The following NXPE1 variants were observed in gnomAD, a reference collection of about 807,000 sequenced individuals.
NXPE1 encodes NXPE family member 1.
NXPE1 carries 31 observed loss-of-function variants against 33.3 expected under a neutral mutation model. That is an observed-to-expected ratio of 0.93 (90% CI 0.70 to 1.26). The LOEUF is 1.26. Ranked by LOEUF, NXPE1 falls within the 50% of genes most tolerant of loss-of-function variation. The pLI is 0.00. For missense variants in NXPE1, 661 were observed against 655.6 expected, an observed-to-expected ratio of 1.01 and a Z score of -0.09; for synonymous variants, 229 against 231.4, an observed-to-expected ratio of 0.99 and a Z score of 0.09.
At position 114,554,387 on chromosome 11, in the gene NXPE1, G is replaced by A. The variant is rs145714112; in HGVS notation, c.-210-1507C>T. ...CAGCAGCCTAGCTTAGACCACAGAG[G>A]TGATGACAATATTCCAGAACAGGGG... On this transcript the variant is annotated intron_variant, in intron 1 of 8. Transcript: ENST00000534921. 1.8e-4 allele frequency: 173 copies of A among 985,132 alleles called. No homozygotes were observed. In the African/African-American group the frequency reaches 2.8e-3, roughly 16 times the overall value. 61.0% of individuals were successfully genotyped at this position (985,132 alleles called of 1,614,324 possible). A position where few individuals can be genotyped will look rare whatever the true frequency, so the allele number is the denominator to read the frequency against.
At chr11:114,519,554 A>T (rs1311678726), downstream of NXPE1, among the ~76,000 whole-genome samples, 1 of 152,182 alleles carries the variant, frequency 6.6e-6, no homozygotes, top group African/African-American at 2.4e-5. Flanking sequence ...TGGAAACATT[A>T]TTCTTTCCCG....
rs1411461981 is a variant in NXPE1 at position 114,553,997 on chromosome 11, A to G, written c.-210-1117T>C. ...AGGAATCTCAAAGTCAACTTGTCCA[A>G]TTGCAATGTTTTTTCTTCTTCCAAA... On this transcript the variant is annotated intron_variant, in intron 1 of 8. Transcript: ENST00000534921. The G allele has an allele frequency of 1.8e-5, 18 of 985,396 alleles. No individual in the cohort carries two copies. In the East Asian group the frequency reaches 1.4e-3, roughly 75 times the overall value. The allele number at this position is 985,396 out of a possible 1,614,324, so 61.0% of individuals were successfully genotyped here.
At position 114,548,395 on chromosome 11, in the gene NXPE1, A is replaced by C. The variant is rs554945275; in HGVS notation, c.99+2708T>G. ...CTTTAGAGGAACATATGAAACCTTT[A>C]CAAATATTCTCTATATCTTAGGTCA... On this transcript the variant is annotated intron_variant, in intron 5 of 8. Coordinates refer to ENST00000534921, the Ensembl canonical transcript of NXPE1. Among the ~76,000 whole-genome samples the C allele has an allele frequency of 1.5e-3, 235 of 152,252 alleles. 3 individuals carry two copies. Among genetic ancestry groups the C allele is most frequent in the African/African-American group, 5.4e-3 (226 of 41,582 alleles).
chr11:114,524,298 G>A (rs180941678), intron 7 of NXPE1, among the ~76,000 whole-genome samples: 224 of 152,336 alleles, frequency 1.5e-3, no homozygotes, highest in Non-Finnish European at 2.1e-3. Flanking sequence ...TAAAGAAGGA[G>A]AAGGCAGTGA....
rs546096289 is a variant in NXPE1 at position 114,536,427 on chromosome 11, A to G, written c.100-5519T>C. On this transcript the variant is annotated intron_variant, in intron 5 of 8. Coordinates refer to ENST00000534921, the Ensembl canonical transcript of NXPE1. Reference sequence around the variant, plus strand: ...AGCTAGCAGAAGGCAAGAAATAACTAAGATCAGAGCAGGACTGAAGGAAAT... The same window carrying G: ...AGCTAGCAGAAGGCAAGAAATAACTGAGATCAGAGCAGGACTGAAGGAAAT... 2.6e-5 allele frequency among the ~76,000 whole-genome samples: 4 copies of G among 152,372 alleles called. No individual in the cohort carries two copies. In the South Asian group the frequency reaches 6.2e-4, roughly 24 times the overall value.
intron 7 of NXPE1, among the ~76,000 whole-genome samples, chr11:114,524,734 G>A (rs890034234): frequency 6.6e-6 from 1 of 152,130 alleles, no homozygotes; most frequent in African/African-American, 2.4e-5. Flanking sequence ...TAAACCCTAT[G>A]TTGTGTAATC....
In NXPE1 at chr11:114,527,914, A is replaced by G. The variant is rs749139516; in HGVS notation, c.834-13T>C. Reference sequence around the variant, plus strand: ...TCCCACTTTGGACCTTCAAAAAAAAAATAGAACAATAAATTAGCCTGCTCT... The same window carrying G: ...TCCCACTTTGGACCTTCAAAAAAAAGATAGAACAATAAATTAGCCTGCTCT... On this transcript the variant is annotated splice_polypyrimidine_tract_variant and intron_variant, in intron 6 of 8. Coordinates refer to ENST00000534921, the Ensembl canonical transcript of NXPE1. 22 of 1,597,324 alleles carry G rather than the reference A, an allele frequency of 1.4e-5. No individual in the cohort carries two copies. The highest frequency in any genetic ancestry group is 3.3e-4 in the Middle Eastern group (2 of 6,032).
At chr11:114,551,592 A>G (rs1360535256) in intron 3 of NXPE1, among the ~76,000 whole-genome samples, 151 bp from the exon 4 acceptor site, 1 of 152,236 alleles carries the variant, frequency 6.6e-6, no homozygotes, top group African/African-American at 2.4e-5. Context: ...ATGGAACCAC[A>G]GGAATATGCT....
intron 5 of NXPE1, among the ~76,000 whole-genome samples, chr11:114,531,529 G>A (rs1443406047): frequency 6.6e-6 from 1 of 152,132 alleles, no homozygotes; most frequent in African/African-American, 2.4e-5. Context: ...AACTCTATTT[G>A]TGTCATCTCC....
chr11:114,531,152 A>C (rs1012306137), intron 5 of NXPE1, among the ~76,000 whole-genome samples: 56 of 151,894 alleles, frequency 3.7e-4, no homozygotes, highest in Non-Finnish European at 7.1e-4. Context: ...AAATTGTGAT[A>C]ATTTTGTATA....
At position 114,533,643 on chromosome 11, in the gene NXPE1, G is replaced by A. The variant is rs540676834; in HGVS notation, c.100-2735C>T. Among the ~76,000 whole-genome samples, 830 of 152,304 alleles carry A rather than the reference G, an allele frequency of 5.4e-3. 6 individuals are homozygous for A. Among genetic ancestry groups the A allele is most frequent in the African/African-American group, 0.019 (794 of 41,564 alleles). Reference sequence around the variant, plus strand: ...ACAGCACACCAGGAGATTATATCCCGCACCTGGCTCAGAGGGTCCTACGCC... The same window carrying A: ...ACAGCACACCAGGAGATTATATCCCACACCTGGCTCAGAGGGTCCTACGCC... On this transcript the variant is annotated intron_variant, in intron 5 of 8. Coordinates refer to ENST00000534921, the Ensembl canonical transcript of NXPE1.
chr11:114,521,202 T>A (rs1947203755), downstream of NXPE1, among the ~76,000 whole-genome samples: 1 of 152,226 alleles, frequency 6.6e-6, no homozygotes. Flanking sequence ...TATTTCCCTT[T>A]TGTTGCCAAT....
chr11:114,553,730 C>G, intron 1 of NXPE1: 1 of 985,398 alleles, frequency 1.0e-6, no homozygotes. Context: ...ATCCCAGTGT[C>G]TTTAAGATGC....
intron 5 of NXPE1, among the ~76,000 whole-genome samples, 152 bp downstream of exon 5, chr11:114,550,951 T>C (rs1447522649): frequency 3.3e-5 from 5 of 152,030 alleles, no homozygotes; most frequent in Non-Finnish European, 7.4e-5. Flanking sequence ...GTGTCCACAA[T>C]GCCTCTAAGG....
intron 6 of NXPE1, 159 bp downstream of exon 6, chr11:114,530,016 G>T: frequency 1.5e-6 from 1 of 665,972 alleles, no homozygotes; most frequent in Non-Finnish European, 2.5e-6. Flanking sequence ...TGCAAACTTT[G>T]GCCTAGAGTG....
At chr11:114,528,898 G>A in intron 6 of NXPE1, 1 of 582,804 alleles carries the variant, frequency 1.7e-6, no homozygotes, top group Non-Finnish European at 3.2e-6. Context: ...ATGGTTGATG[G>A]GTAGGAAGAG....
chr11:114,557,634 CATATATATATATATATATATAT>C (rs4019608), intron 1 of NXPE1, among the ~76,000 whole-genome samples: 40 of 128,454 alleles, frequency 3.1e-4, no homozygotes, highest in African/African-American at 6.9e-4. Flanking sequence ...ATATATAATA[CATATATATATATATATATATAT>C]ATATATATAT....
chr11:114,520,296 A>G (rs758027225), downstream of NXPE1, among the ~76,000 whole-genome samples: 1 of 151,966 alleles, frequency 6.6e-6, no homozygotes, highest in Non-Finnish European at 1.5e-5. Flanking sequence ...CTACCATTCT[A>G]CCCTGTTTCT....
chr11:114,530,219 T>G (rs765523779), exon 6 of NXPE1: 1 of 1,613,386 alleles, frequency 6.2e-7, no homozygotes, highest in Non-Finnish European at 8.5e-7. Context: ...AAGATACCTC[T>G]CTATTCCGGG....
Sources: gnomAD v4.1 joint callset for allele counts (sites outside exome capture counted in the v4.1 genomes callset) on GRCh38, gnomAD v4.1.1 for gene constraint, MANE v1.5 for transcripts, NCBI Gene and HGNC (gene_info 2026-07-23, HGNC 2026-07-21) for gene names.